DLG2: variants seen among roughly 807,000 people sequenced by gnomAD.
DLG2 encodes discs large MAGUK scaffold protein 2, also known as disks large homolog 2.
In DLG2, 45 loss-of-function variants were observed where a neutral mutation model predicts 132.5. The ratio of observed to expected loss-of-function variants is 0.34; its 90% CI spans 0.27 to 0.44. The LOEUF (loss-of-function observed/expected upper bound fraction) is 0.44. DLG2 is among the 20% of genes least tolerant of loss of function. The probability of loss-of-function intolerance (pLI) is 1.00; values close to 1 mark genes in which losing one functional copy is unlikely to be tolerated. For missense variants in DLG2, 1,045 were observed against 1,196.9 expected, an observed-to-expected ratio of 0.87 and a Z score of 1.87; for synonymous variants, 424 against 419.6, an observed-to-expected ratio of 1.01 and a Z score of -0.13.
In DLG2 at chr11:84,001,948, C is replaced by T. The variant is rs559314176; in HGVS notation, c.920-21306G>A. 2.0e-4 allele frequency among the ~76,000 whole-genome samples: 30 copies of T among 152,004 alleles called. No homozygotes were observed. The East Asian group carries it at 2.1e-3, about 11-fold the overall frequency. On this transcript the variant is annotated intron_variant, in intron 11 of 27. Transcript: ENST00000376104. ...TCTGTAAGATACAGCAAAAGCAGTA[C>T]TAAGAGGGAATTTTATAGCAATAAA...
intron 4 of DLG2, among the ~76,000 whole-genome samples, chr11:85,232,284 C>A (rs1479802638): frequency 1.3e-5 from 2 of 151,770 alleles, no homozygotes; most frequent in African/African-American, 4.8e-5. Context: ...TACATTATTC[C>A]ATCACATTTG....
chr11:85,274,981 T>TA (rs2077795868), intron 4 of DLG2, among the ~76,000 whole-genome samples: 2 of 152,182 alleles, frequency 1.3e-5, no homozygotes, highest in South Asian at 4.1e-4. Context: ...AACTTAAGCA[T>TA]AAAAATGGAT....
intron 4 of DLG2, among the ~76,000 whole-genome samples, chr11:85,250,864 T>A (rs1179957967): frequency 6.6e-6 from 1 of 152,226 alleles, no homozygotes; most frequent in African/African-American, 2.4e-5. Context: ...TTGAAAAAAA[T>A]ATATATTTTA....
intron 18 of DLG2, among the ~76,000 whole-genome samples, chr11:83,713,671 A>G (rs1211768171): frequency 6.6e-6 from 1 of 152,244 alleles, no homozygotes; most frequent in East Asian, 1.9e-4. Context: ...GTAGATTTTA[A>G]TATGCAATGG....
At chr11:83,658,715 T>C (rs186646170) in intron 18 of DLG2, among the ~76,000 whole-genome samples, 1 of 152,340 alleles carries the variant, frequency 6.6e-6, no homozygotes, top group Admixed American at 6.5e-5. Context: ...ATAGCTTATC[T>C]TTTGGAAAGC....
chr11:84,930,852 C>G (rs1163537969), intron 6 of DLG2, among the ~76,000 whole-genome samples: 1 of 152,088 alleles, frequency 6.6e-6, no homozygotes, highest in Non-Finnish European at 1.5e-5. Flanking sequence ...CCATATCAAG[C>G]TACTACTATC....
At chr11:83,704,683 TG>T (rs2083585863) in intron 18 of DLG2, among the ~76,000 whole-genome samples, 2 of 146,942 alleles carry the variant, frequency 1.4e-5, no homozygotes, top group African/African-American at 5.0e-5. Flanking sequence ...AAATATTAGC[TG>T]GGCGTGGTGG....
At chr11:85,227,032 G>C (rs912878792) in intron 4 of DLG2, among the ~76,000 whole-genome samples, 1 of 152,246 alleles carries the variant, frequency 6.6e-6, no homozygotes, top group African/African-American at 2.4e-5. Flanking sequence ...ATGGTATCAA[G>C]GTGGAGGGTC....
At chr11:84,765,811 TC>T (rs1359257637) in intron 6 of DLG2, among the ~76,000 whole-genome samples, 1 of 151,986 alleles carries the variant, frequency 6.6e-6, no homozygotes, top group Non-Finnish European at 1.5e-5. Flanking sequence ...TTTATAGCAA[TC>T]AAAATTATTT....
At chr11:83,949,443 G>A (rs1442148535) in intron 14 of DLG2, among the ~76,000 whole-genome samples, 1 of 152,074 alleles carries the variant, frequency 6.6e-6, no homozygotes, top group African/African-American at 2.4e-5. Context: ...GGATGGGGAA[G>A]GAGGAAGCAA....
At chr11:84,398,120 C>A (rs559443619) in intron 7 of DLG2, among the ~76,000 whole-genome samples, 1 of 152,296 alleles carries the variant, frequency 6.6e-6, no homozygotes, top group South Asian at 2.1e-4. Context: ...TGCTACAATT[C>A]TTTTAACAAG....
At chr11:85,348,694 C>T (rs951932150) in intron 3 of DLG2, among the ~76,000 whole-genome samples, 39 of 151,994 alleles carry the variant, frequency 2.6e-4, no homozygotes, top group Non-Finnish European at 1.8e-4. Flanking sequence ...AGATAAAATT[C>T]TCATTGAATA....
intron 18 of DLG2, among the ~76,000 whole-genome samples, chr11:83,750,027 C>G (rs1353173027): frequency 3.3e-5 from 5 of 152,140 alleles, no homozygotes; most frequent in African/African-American, 1.2e-4. Flanking sequence ...TTACCTTTCA[C>G]TTTTAGGGAG....
chr11:83,788,184 T>G (rs1594380726), intron 17 of DLG2, among the ~76,000 whole-genome samples: 7 of 152,328 alleles, frequency 4.6e-5, no homozygotes, highest in Admixed American at 4.6e-4. Context: ...AGAATGACAT[T>G]GGGTGGCAGA....
chr11:85,581,241 C>T (rs1344279969), intron 3 of DLG2, among the ~76,000 whole-genome samples: 1 of 152,164 alleles, frequency 6.6e-6, no homozygotes, highest in African/African-American at 2.4e-5. Flanking sequence ...CCTAGCCCAC[C>T]AGTGCTTCCA....
intron 17 of DLG2, among the ~76,000 whole-genome samples, chr11:83,787,340 T>TTTTTG (rs66699053): frequency 0.12 from 12,706 of 101,790 alleles, 3,565 homozygotes; most frequent in Middle Eastern, 0.15. Flanking sequence ...TTTTTTTTTT[T>TTTTTG]AGACAGAGTC....
At chr11:83,937,583 T>C (rs1044265811) in intron 14 of DLG2, among the ~76,000 whole-genome samples, 2 of 151,004 alleles carry the variant, frequency 1.3e-5, no homozygotes, top group Admixed American at 6.6e-5. Context: ...GGGGAAAACA[T>C]TTGCTCAAAT....
intron 11 of DLG2, among the ~76,000 whole-genome samples, chr11:84,012,837 G>A (rs577285440): frequency 8.5e-5 from 13 of 152,118 alleles, no homozygotes; most frequent in African/African-American, 4.8e-5. Context: ...TCGAATACCC[G>A]CTCCAGGTCC....
At chr11:84,637,405 T>C (rs1273813375) in intron 6 of DLG2, among the ~76,000 whole-genome samples, 1 of 152,184 alleles carries the variant, frequency 6.6e-6, no homozygotes, top group Non-Finnish European at 1.5e-5. Context: ...GTGAACAACT[T>C]GAAAGCAGTG....
Sources: gnomAD v4.1 joint callset for allele counts (sites outside exome capture counted in the v4.1 genomes callset) on GRCh38, gnomAD v4.1.1 for gene constraint, MANE v1.5 for transcripts, NCBI Gene and HGNC (gene_info 2026-07-23, HGNC 2026-07-21) for gene names.